Variants in LOC728743 observed in about 807,000 individuals in gnomAD.
At chr7:150,409,053 C>T in the LOC728743 span, among the ~76,000 whole-genome samples, 1 of 151,896 alleles carries the variant, frequency 6.6e-6, no homozygotes, top group South Asian at 2.1e-4. Flanking sequence ...CTCTTCGTCA[C>T]CCAGGGGAGT....
At chr7:150,404,325 C>A in the LOC728743 span, among the ~76,000 whole-genome samples, 8 of 152,302 alleles carry the variant, frequency 5.3e-5, no homozygotes, top group African/African-American at 1.9e-4. Context: ...TCGTCACACA[C>A]TATTTATGTC....
At chr7:150,407,686 C>T in the LOC728743 span, 2 of 399,094 alleles carry the variant, frequency 5.0e-6, no homozygotes, top group Non-Finnish European at 8.8e-6. Flanking sequence ...ACGAGCGAGG[C>T]CTGGTCATCC....
At chr7:150,408,099 G>C in the LOC728743 span, 2 of 377,830 alleles carry the variant, frequency 5.3e-6, no homozygotes, top group Non-Finnish European at 9.4e-6. Flanking sequence ...TTCGGGGAGC[G>C]GCGGCCCTAC....
the LOC728743 span, chr7:150,411,209 T>C: frequency 1.3e-5 from 2 of 152,414 alleles, no homozygotes; most frequent in Non-Finnish European, 2.9e-5. Context: ...AGCTTGAGTC[T>C]GGTCTGAGTC....
the LOC728743 span, among the ~76,000 whole-genome samples, chr7:150,406,772 G>A: frequency 0.014 from 2,160 of 152,276 alleles, 55 homozygotes; most frequent in African/African-American, 0.049. Context: ...GTGCTGCTCA[G>A]CCTTGGGCCA....
the LOC728743 span, chr7:150,408,310 T>C: frequency 8.3e-6 from 3 of 361,494 alleles, no homozygotes; most frequent in Admixed American, 1.4e-4. Flanking sequence ...CGCAGCTCCC[T>C]CTCTAGATGG....
the LOC728743 span, among the ~76,000 whole-genome samples, chr7:150,403,340 C>A: frequency 6.6e-6 from 1 of 152,140 alleles, no homozygotes; most frequent in Non-Finnish European, 1.5e-5. The surrounding 1 kb of genome is among the most constrained non-coding windows in gnomAD (Gnocchi z 5.1). Flanking sequence ...TGGTACTGCC[C>A]GTGTCTGTGT....
chr7:150,404,801 T>C, the LOC728743 span: 3 of 152,348 alleles, frequency 2.0e-5, no homozygotes, highest in East Asian at 1.9e-4. Context: ...CCAGGCCATA[T>C]AGTCAGGCAG....
chr7:150,407,947 C>T, the LOC728743 span: 1 of 409,342 alleles, frequency 2.4e-6, no homozygotes, highest in East Asian at 3.5e-5. Context: ...AGAACCTGCT[C>T]ACGCACCAGC....
chr7:150,403,536 G>A, the LOC728743 span, among the ~76,000 whole-genome samples: 3 of 152,200 alleles, frequency 2.0e-5, no homozygotes, highest in Non-Finnish European at 2.9e-5. The surrounding 1 kb of genome is among the most constrained non-coding windows in gnomAD (Gnocchi z 5.1). Flanking sequence ...GGGGGCTCTG[G>A]CAGGTGACAG....
At chr7:150,407,637 G>A in the LOC728743 span, 3 of 398,934 alleles carry the variant, frequency 7.5e-6, no homozygotes, top group African/African-American at 2.1e-5. Context: ...TCCTCCGGGG[G>A]CGGGTCCCCT....
the LOC728743 span, chr7:150,410,225 A>G: frequency 2.5e-6 from 1 of 398,696 alleles, no homozygotes; most frequent in Non-Finnish European, 4.4e-6. Context: ...GAGACCAGGA[A>G]TGGAGTTCCA....
At chr7:150,408,073 G>GCGCCGCACCC in the LOC728743 span, 1 of 377,472 alleles carries the variant, frequency 2.6e-6, no homozygotes, top group Non-Finnish European at 4.7e-6. Context: ...CGCCGCACCC[G>GCGCCGCACCC]CGCCGCCCCG....
the LOC728743 span, chr7:150,405,707 T>G: frequency 6.6e-6 from 1 of 150,690 alleles, no homozygotes; most frequent in Non-Finnish European, 1.5e-5. Context: ...TAAGGTCGGG[T>G]GGGGTGGGGT....
chr7:150,405,308 G>A, the LOC728743 span: 2 of 152,296 alleles, frequency 1.3e-5, no homozygotes, highest in African/African-American at 4.8e-5. Flanking sequence ...GGCTCGGGAG[G>A]CGGCGCCATG....
At chr7:150,401,344 T>C in the LOC728743 span, among the ~76,000 whole-genome samples, 2 of 152,028 alleles carry the variant, frequency 1.3e-5, no homozygotes, top group East Asian at 3.9e-4. Flanking sequence ...TGACGGAGGG[T>C]AGACTGCAGT....
the LOC728743 span, among the ~76,000 whole-genome samples, chr7:150,408,916 G>A: frequency 6.6e-6 from 1 of 152,166 alleles, no homozygotes; most frequent in Non-Finnish European, 1.5e-5. Context: ...TGACTGTGCC[G>A]GGCTGGGCTC....
At chr7:150,403,815 G>A in the LOC728743 span, among the ~76,000 whole-genome samples, 6 of 152,336 alleles carry the variant, frequency 3.9e-5, no homozygotes, top group East Asian at 7.7e-4. This position sits in a 1 kb window ranked among gnomAD's most constrained non-coding sequence, Gnocchi z 5.1. Flanking sequence ...GGGTAGGAGT[G>A]GATTCTCCAG....
the LOC728743 span, chr7:150,405,048 G>A: frequency 6.6e-6 from 1 of 152,296 alleles, no homozygotes; most frequent in Non-Finnish European, 1.5e-5. Context: ...CCGAATGCAG[G>A]CCTCAGGGAA....
Sources: gnomAD v4.1 joint callset for allele counts (sites outside exome capture counted in the v4.1 genomes callset) on GRCh38, gnomAD v4.1.1 for gene constraint, Gnocchi (gnomAD v3.1) non-coding constraint, MANE v1.5 for transcripts.